Variants in GSE1 observed in about 807,000 individuals in gnomAD.
The protein encoded by GSE1 is genetic suppressor element 1.
Under a neutral mutation model 112.6 loss-of-function variants are expected in GSE1, and 32 were observed. That is an observed-to-expected ratio of 0.28 (90% CI 0.21 to 0.38). The LOEUF is 0.38. Among genes scored for constraint, GSE1 ranks in the 10% least tolerant of loss-of-function variants. GSE1 has a pLI of 1.00. For synonymous variants in GSE1, 1,115 were observed against 735.6 expected (o/e 1.52, Z -8.35); for missense variants, 2,348 against 1,699.2 (o/e 1.38, Z -6.71).
At chr16:85,590,326 G>A (rs553050462) in intron 1 of GSE1, among the ~76,000 whole-genome samples, 2 of 149,684 alleles carry the variant, frequency 1.3e-5, no homozygotes, top group African/African-American at 5.1e-5. Context: ...GTGTGAATGT[G>A]AGTGTGTGTG....
intron 1 of GSE1, among the ~76,000 whole-genome samples, chr16:85,263,043 C>T (rs796969747): frequency 3.9e-5 from 6 of 152,258 alleles, no homozygotes; most frequent in African/African-American, 7.2e-5. Context: ...CCACAGATCG[C>T]GGGAGGGCGG....
At chr16:85,265,417 C>T (rs949328478) in intron 1 of GSE1, among the ~76,000 whole-genome samples, 6 of 152,284 alleles carry the variant, frequency 3.9e-5, no homozygotes, top group South Asian at 4.1e-4. Context: ...GAGTCTCGAC[C>T]GCCCCAGACC....
chr16:85,486,958 C>T (rs986792706), intron 2 of GSE1, among the ~76,000 whole-genome samples: 1 of 152,126 alleles, frequency 6.6e-6, no homozygotes, highest in East Asian at 1.9e-4. Flanking sequence ...TTGTGCCTAG[C>T]CCTGTGCCCA....
At chr16:85,195,616 C>A (rs1018725705) in intron 1 of GSE1, among the ~76,000 whole-genome samples, 13 of 152,332 alleles carry the variant, frequency 8.5e-5, no homozygotes, top group African/African-American at 3.1e-4. Context: ...CCCTGCTAAT[C>A]CCCTATCGAG....
intron 3 of GSE1, among the ~76,000 whole-genome samples, chr16:85,650,134 C>T (rs751243991): frequency 1.2e-4 from 18 of 152,182 alleles, no homozygotes; most frequent in Non-Finnish European, 2.1e-4. Flanking sequence ...GTCTGGAGAC[C>T]GAGGGGCAGG....
chr16:85,422,592 A>G (rs1261622089), intron 2 of GSE1, among the ~76,000 whole-genome samples: 1 of 152,046 alleles, frequency 6.6e-6, no homozygotes, highest in East Asian at 1.9e-4. Context: ...AGAAAAAAAA[A>G]AAAAAGCAGA....
intron 1 of GSE1, among the ~76,000 whole-genome samples, chr16:85,615,761 A>G (rs545639967): frequency 6.8e-4 from 104 of 152,326 alleles, no homozygotes; most frequent in African/African-American, 2.5e-3. Context: ...TACATCTCCA[A>G]ACTCGGTGTT....
At chr16:85,633,013 T>TGCCGCCGCCGCCGCC (rs71153808) in intron 1 of GSE1, among the ~76,000 whole-genome samples, 27 of 146,210 alleles carry the variant, frequency 1.8e-4, no homozygotes, top group African/African-American at 6.0e-4. Flanking sequence ...AGACCTCTGG[T>TGCCGCCGCCGCCGCC]GCCGCCGCCG....
chr16:85,366,066 TC>T (rs1214800060), intron 2 of GSE1, among the ~76,000 whole-genome samples: 1 of 152,224 alleles, frequency 6.6e-6, no homozygotes, highest in Non-Finnish European at 1.5e-5. Flanking sequence ...GGCTTTTGTC[TC>T]TTTTTTGTTG....
Position 85,629,584 on chromosome 16 carries a change from G to T in GSE1, c.8-4330G>T, listed in dbSNP as rs529215127. Among the ~76,000 whole-genome samples the T allele has an allele frequency of 5.3e-5, 8 of 152,340 alleles. No individual in the cohort carries two copies. In the South Asian group the frequency reaches 1.5e-3, roughly 28 times the overall value. ...GCTGAGGTCATCTCAGCCCTGCTCT[G>T]CACTGGACCTGGGCTCCAAGCCTGC... is the stretch of plus-strand genomic sequence containing the variant. On this transcript the variant is annotated intron_variant, in intron 1 of 15. Coordinates refer to ENST00000253458, the MANE Select transcript of GSE1 (RefSeq NM_014615.5).
chr16:85,575,788 A>C (rs2046204289), intron 1 of GSE1, among the ~76,000 whole-genome samples: 1 of 152,162 alleles, frequency 6.6e-6, no homozygotes, highest in South Asian at 2.1e-4. Context: ...TATAGCAGAA[A>C]ACTGCTTAAT....
intron 2 of GSE1, 149 bp from the exon 3 acceptor site, chr16:85,648,403 G>T: frequency 1.7e-6 from 1 of 576,736 alleles, no homozygotes; most frequent in Non-Finnish European, 3.1e-6. Context: ...CTGCCTGCCT[G>T]TCTTGGGTGG....
At chr16:85,177,098 G>A (rs566532280) in intron 1 of GSE1, among the ~76,000 whole-genome samples, 13 of 152,242 alleles carry the variant, frequency 8.5e-5, no homozygotes, top group Non-Finnish European at 1.6e-4. Flanking sequence ...TCCTAAACCC[G>A]GAGGCAGTCG....
chr16:85,650,906 GT>G (rs2051282970), intron 3 of GSE1, among the ~76,000 whole-genome samples: 1 of 152,038 alleles, frequency 6.6e-6, no homozygotes, highest in Admixed American at 6.5e-5. Flanking sequence ...TCTCTCCCAG[GT>G]GTAGTGGGAG....
At position 85,674,493 on chromosome 16, in the gene GSE1, A is replaced by G. The variant is rs918745825; in HGVS notation, c.*1954A>G. The G allele has an allele frequency of 1.4e-4, 21 of 152,214 alleles. No homozygotes were observed. The highest frequency in any genetic ancestry group is 4.3e-4 in the African/African-American group (18 of 41,464). The allele number at this position is 152,214 out of a possible 1,614,324, so 9.4% of individuals were successfully genotyped here. ...GTTCAGAGGGAGTCTGCTACAAACT[A>G]TCAGGGCAAAATCTCACTGGATTTC... On this transcript the variant is annotated 3_prime_UTR_variant, in exon 16 of 16. Coordinates refer to ENST00000253458, the MANE Select transcript of GSE1 (RefSeq NM_014615.5).
At chr16:85,666,973 G>C (rs1054852047) in intron 13 of GSE1, among the ~76,000 whole-genome samples, 1 of 152,242 alleles carries the variant, frequency 6.6e-6, no homozygotes, top group Non-Finnish European at 1.5e-5. Context: ...TCAAGTGTAG[G>C]CATTGTGTTA....
At chr16:85,601,044 G>A (rs1339428666) in intron 1 of GSE1, among the ~76,000 whole-genome samples, 3 of 152,132 alleles carry the variant, frequency 2.0e-5, no homozygotes, top group African/African-American at 7.2e-5. Context: ...ACTCCCTGGA[G>A]GAGGCAGAAT....
chr16:85,303,765 C>T (rs987340315), intron 1 of GSE1, among the ~76,000 whole-genome samples: 1 of 152,240 alleles, frequency 6.6e-6, no homozygotes, highest in African/African-American at 2.4e-5. Flanking sequence ...CGGCTGCGGC[C>T]TGGCCCTGCC....
At chr16:85,330,327 G>A (rs1350474774) in intron 1 of GSE1, among the ~76,000 whole-genome samples, 1 of 152,240 alleles carries the variant, frequency 6.6e-6, no homozygotes. Context: ...GTGCTGTGGG[G>A]TGGGGGCCAC....
Sources: allele counts gnomAD v4.1 joint callset (sites outside exome capture counted in the v4.1 genomes callset), GRCh38; gene constraint gnomAD v4.1.1; transcripts MANE v1.5; gene names NCBI Gene and HGNC (gene_info 2026-07-23, HGNC 2026-07-21).